The following ESRRG variants were observed in gnomAD, a reference collection of about 807,000 sequenced individuals.
ESRRG encodes estrogen-related receptor gamma.
ESRRG carries 13 observed loss-of-function variants against 44.0 expected under a neutral mutation model. The ratio of observed to expected loss-of-function variants is 0.30; its 90% CI spans 0.19 to 0.47. ESRRG has a LOEUF of 0.47. ESRRG is among the 20% of genes least tolerant of loss of function. ESRRG has a pLI of 1.00. For missense variants in ESRRG, 395 were observed against 580.6 expected, an observed-to-expected ratio of 0.68 and a Z score of 3.29; for synonymous variants, 215 against 214.6, an observed-to-expected ratio of 1.00 and a Z score of -0.02.
At chr1:216,965,420 A>G (rs1428294063) in intron 1 of ESRRG, among the ~76,000 whole-genome samples, 3 of 152,186 alleles carry the variant, frequency 2.0e-5, no homozygotes, top group African/African-American at 7.2e-5. Context: ...TTTGAATGTT[A>G]TCACCACAAT....
At chr1:216,871,400 T>C (rs2096257474) in intron 2 of ESRRG, among the ~76,000 whole-genome samples, 1 of 152,038 alleles carries the variant, frequency 6.6e-6, no homozygotes, top group Admixed American at 6.5e-5. Context: ...GGATATAGTC[T>C]ATCTTAATGA....
chr1:216,599,777 C>A (rs1041666320), intron 3 of ESRRG, among the ~76,000 whole-genome samples: 1 of 151,158 alleles, frequency 6.6e-6, no homozygotes, highest in Non-Finnish European at 1.5e-5. Flanking sequence ...AAATCTGGCT[C>A]GGGCCTGCTG....
rs1438344438 is a variant in ESRRG, at chr1:216,632,755, T to G, written c.589+18218A>C. ...TTTAATTCCAGAGTAAGAAAAGGCATCAAAGAAAAAAAAGTGGGGAGGTTC... is the reference window on the plus strand; with the variant it reads ...TTTAATTCCAGAGTAAGAAAAGGCAGCAAAGAAAAAAAAGTGGGGAGGTTC... On this transcript the variant is annotated intron_variant, in intron 3 of 6. Transcript: ENST00000408911. 2.6e-5 allele frequency among the ~76,000 whole-genome samples: 4 copies of G among 151,444 alleles called. No homozygotes were observed. The East Asian group carries it at 7.7e-4, about 29-fold the overall frequency.
intron 2 of ESRRG, among the ~76,000 whole-genome samples, chr1:216,798,871 A>G (rs1270351882): frequency 6.6e-6 from 1 of 152,152 alleles, no homozygotes; most frequent in Non-Finnish European, 1.5e-5. Context: ...CAAAGCATTT[A>G]AACCACTGCT....
chr1:217,024,356 TAA>T (rs34483403), intron 1 of ESRRG, among the ~76,000 whole-genome samples: 67 of 142,750 alleles, frequency 4.7e-4, no homozygotes, highest in African/African-American at 7.0e-4. Flanking sequence ...AGAGTCCATT[TAA>T]AAAAAAAAAA....
chr1:216,711,324 C>T (rs562410601), intron 1 of ESRRG, among the ~76,000 whole-genome samples: 1 of 152,250 alleles, frequency 6.6e-6, no homozygotes, highest in Admixed American at 6.5e-5. Flanking sequence ...ACTGCCAACT[C>T]GGGGAGTTCT....
intron 2 of ESRRG, among the ~76,000 whole-genome samples, chr1:216,835,451 C>T (rs1254613822): frequency 2.0e-5 from 3 of 152,208 alleles, no homozygotes; most frequent in South Asian, 2.1e-4. Flanking sequence ...GACACTGACA[C>T]GGCTGCTGGT....
intron 3 of ESRRG, among the ~76,000 whole-genome samples, chr1:216,591,971 C>A (rs150861002): frequency 6.7e-6 from 1 of 149,352 alleles, no homozygotes; most frequent in East Asian, 1.9e-4. Flanking sequence ...CTGGTAGATA[C>A]CCCCAGTCAA....
chr1:217,097,572 G>A (rs75484482), intron 1 of ESRRG, among the ~76,000 whole-genome samples: 1 of 152,154 alleles, frequency 6.6e-6, no homozygotes, highest in African/African-American at 2.4e-5. Context: ...TCAAATTCCT[G>A]AGGAATTTTC....
chr1:216,535,616 A>G (rs1292616701), intron 5 of ESRRG, among the ~76,000 whole-genome samples: 1 of 152,048 alleles, frequency 6.6e-6, no homozygotes, highest in Non-Finnish European at 1.5e-5. Flanking sequence ...GGCCTTTCCT[A>G]TGTTCTCAAT....
At chr1:216,766,670 C>T (rs2093094382) in intron 2 of ESRRG, among the ~76,000 whole-genome samples, 1 of 152,002 alleles carries the variant, frequency 6.6e-6, no homozygotes, top group African/African-American at 2.4e-5. Flanking sequence ...GCAACAAATG[C>T]TTCACTACCT....
At chr1:217,021,133 G>A (rs1373006293) in intron 1 of ESRRG, among the ~76,000 whole-genome samples, 1 of 151,770 alleles carries the variant, frequency 6.6e-6, no homozygotes, top group African/African-American at 2.4e-5. Context: ...AATAGCATTA[G>A]GCTTGTGGTT....
At chr1:216,535,114 T>G (rs1341011047) in intron 5 of ESRRG, among the ~76,000 whole-genome samples, 1 of 152,098 alleles carries the variant, frequency 6.6e-6, no homozygotes, top group East Asian at 1.9e-4. Flanking sequence ...TAATATTGGT[T>G]GAAGTGACAT....
At chr1:216,964,323 G>T (rs996643713) in intron 1 of ESRRG, among the ~76,000 whole-genome samples, 7 of 152,128 alleles carry the variant, frequency 4.6e-5, no homozygotes, top group Admixed American at 3.9e-4. Flanking sequence ...GCTTTGCAAT[G>T]AAATAGATTA....
At chr1:216,759,477 C>A (rs568958756) in intron 2 of ESRRG, among the ~76,000 whole-genome samples, 1 of 152,036 alleles carries the variant, frequency 6.6e-6, no homozygotes, top group Non-Finnish European at 1.5e-5. Context: ...GCCTTTAAAC[C>A]TTTGCCTGCT....
chr1:216,927,147 T>C (rs532063258), intron 2 of ESRRG, among the ~76,000 whole-genome samples: 1 of 152,282 alleles, frequency 6.6e-6, no homozygotes, highest in South Asian at 2.1e-4. Context: ...TCCAATGCTG[T>C]TCCTGAAATT....
chr1:217,075,596 C>A (rs534169153), intron 1 of ESRRG, among the ~76,000 whole-genome samples: 11 of 146,738 alleles, frequency 7.5e-5, no homozygotes, highest in Admixed American at 3.7e-4. Context: ...CTTTCCCCCC[C>A]CCAACATTAA....
chr1:216,837,866 C>T (rs2095592985), intron 2 of ESRRG, among the ~76,000 whole-genome samples: 1 of 152,184 alleles, frequency 6.6e-6, no homozygotes, highest in Non-Finnish European at 1.5e-5. Flanking sequence ...GGTCAGCCAG[C>T]TTTCAGAAGC....
At position 217,129,442 on chromosome 1, in the gene ESRRG, T is replaced by C. The variant is rs533774682; in HGVS notation, c.-230+8225A>G. Among the ~76,000 whole-genome samples, 33 of 152,294 alleles carry C rather than the reference T, an allele frequency of 2.2e-4. No individual in the cohort carries two copies. In the South Asian group the frequency reaches 6.4e-3, roughly 30 times the overall value. Reference sequence around the variant, plus strand: ...AAGTATGGTTGGTTCCTAAACAAAGTTGGACCCAAGAGAGCAGAAAACATA... The same window carrying C: ...AAGTATGGTTGGTTCCTAAACAAAGCTGGACCCAAGAGAGCAGAAAACATA... On this transcript the variant is annotated intron_variant, in intron 1 of 8. Coordinates refer to the ESRRG transcript ENST00000366940.
Sources: gnomAD v4.1 joint callset for allele counts (sites outside exome capture counted in the v4.1 genomes callset) on GRCh38, gnomAD v4.1.1 for gene constraint, MANE v1.5 for transcripts, NCBI Gene and HGNC (gene_info 2026-07-23, HGNC 2026-07-21) for gene names.